Variants in PRPS2 observed in about 807,000 individuals in gnomAD.
PRPS2 encodes the protein ribose-phosphate pyrophosphokinase 2.
For synonymous variants in PRPS2, 111 were observed against 115.3 expected (o/e 0.96, Z 0.24); for missense variants, 104 against 271.5 (o/e 0.38, Z 4.34).
intron 1 of PRPS2, among the ~76,000 whole-genome samples, chrX:12,792,970 A>G (rs1488787645): frequency 8.9e-6 from 1 of 112,168 alleles, no homozygotes; most frequent in African/African-American, 3.2e-5. Context: ...TCCGATGATA[A>G]TATAAGCGAA....
intron 6 of PRPS2, among the ~76,000 whole-genome samples, chrX:12,821,247 G>A (rs894688242): frequency 2.7e-5 from 3 of 112,130 alleles, no homozygotes; most frequent in African/African-American, 9.7e-5. Flanking sequence ...AGTGTGCTCT[G>A]TCGCTACGAT....
chrX:12,791,756 G>T, intron 1 of PRPS2, 137 bp downstream of exon 1: 1 of 627,175 alleles, frequency 1.6e-6, no homozygotes, highest in Non-Finnish European at 1.9e-6. Flanking sequence ...GTGGCAACGC[G>T]GCCTCCGCGC....
chrX:12,806,826 C>T lies in PRPS2; in HGVS notation c.307-2408C>T, dbSNP rs767060277. On this transcript the variant is annotated intron_variant, in intron 2 of 6. Coordinates refer to ENST00000380668, the MANE Select transcript of PRPS2 (RefSeq NM_002765.5). ...CTTTGGTGCTGGGCACGGTGGCTCA[C>T]GCCTGTAATTCCAGCACTTTGGGAG... Among the ~76,000 whole-genome samples, 4 of 112,198 alleles carry T rather than the reference C, an allele frequency of 3.6e-5. No individual in the cohort carries two copies. The East Asian group carries it at 8.3e-4, about 23-fold the overall frequency.
At chrX:12,818,352 G>A (rs2042658864) in intron 4 of PRPS2, among the ~76,000 whole-genome samples, 2 of 84,347 alleles carry the variant, frequency 2.4e-5, no homozygotes, top group African/African-American at 4.6e-5. Flanking sequence ...TGGTCAACAA[G>A]AGTGAAACTG....
At chrX:12,808,864 G>A (rs374558923) in intron 2 of PRPS2, among the ~76,000 whole-genome samples, 3 of 111,208 alleles carry the variant, frequency 2.7e-5, no homozygotes, top group East Asian at 5.6e-4. Flanking sequence ...TAATGATCTT[G>A]TTTAAACTTT....
At chrX:12,815,984 G>C (rs780454779) in intron 4 of PRPS2, among the ~76,000 whole-genome samples, 9 of 111,475 alleles carry the variant, frequency 8.1e-5, no homozygotes, top group Non-Finnish European at 1.5e-4. Flanking sequence ...CAAAATTTTT[G>C]TTGGCCTTTA....
intron 3 of PRPS2, among the ~76,000 whole-genome samples, chrX:12,809,788 T>C (rs1459084858): frequency 8.9e-6 from 1 of 112,384 alleles, no homozygotes; most frequent in East Asian, 2.8e-4. Context: ...ATATAGGCCA[T>C]CATAAGACAA....
chrX:12,793,934 C>CA (rs1395224978), intron 1 of PRPS2, among the ~76,000 whole-genome samples: 1 of 112,293 alleles, frequency 8.9e-6, no homozygotes, highest in Non-Finnish European at 1.9e-5. Flanking sequence ...ATGGAAATTC[C>CA]ATGATGACAT....
intron 1 of PRPS2, among the ~76,000 whole-genome samples, chrX:12,792,337 C>T (rs1302513057): frequency 1.8e-5 from 2 of 112,179 alleles, no homozygotes; most frequent in Non-Finnish European, 3.8e-5. Context: ...TGCTGGGCTC[C>T]CCTCTGCTCC....
In PRPS2 at chrX:12,820,671, G is replaced by A. The variant is rs1602417803; in HGVS notation, c.732G>A (p.Val244=). ...TGCTGTCAGCTGGAGCCACCAAAGTGTATGCTATCCTTACCCATGGGATCT... is the reference window on the plus strand; with the variant it reads ...TGCTGTCAGCTGGAGCCACCAAAGTATATGCTATCCTTACCCATGGGATCT... ...DKLLSAGATK[V]YAILTHGIFS... Residue 244 remains valine, a synonymous_variant, in exon 6 of 7, where the codon GTG becomes GTA. Transcript: ENST00000380668. 1.7e-6 allele frequency: 2 copies of A among 1,208,423 alleles called. No individual in the cohort carries two copies. Among genetic ancestry groups the A allele is most frequent in the Admixed American group, 4.4e-5 (2 of 45,641 alleles).
intron 4 of PRPS2, among the ~76,000 whole-genome samples, chrX:12,819,074 T>C (rs910267422): frequency 3.6e-5 from 4 of 112,354 alleles, no homozygotes; most frequent in Non-Finnish European, 1.9e-5. Flanking sequence ...TTGAATGCAA[T>C]GAAGCCCATC....
intron 2 of PRPS2, among the ~76,000 whole-genome samples, chrX:12,807,680 T>C (rs369769524): frequency 2.9e-4 from 32 of 111,310 alleles, no homozygotes; most frequent in African/African-American, 1.0e-3. Flanking sequence ...CAACATGGAA[T>C]ATAGTACGGG....
intron 2 of PRPS2, among the ~76,000 whole-genome samples, chrX:12,808,447 C>G (rs1276345801): frequency 9.0e-6 from 1 of 111,296 alleles, no homozygotes; most frequent in Admixed American, 9.5e-5. Context: ...AATCATGTGT[C>G]TATATAATTT....
chrX:12,806,090 A>G (rs2042592271), intron 2 of PRPS2, among the ~76,000 whole-genome samples: 1 of 111,570 alleles, frequency 9.0e-6, no homozygotes, highest in South Asian at 3.7e-4. Flanking sequence ...AAGGAAAAAA[A>G]AAAAAAAAGG....
chrX:12,794,039 G>A (rs901293051), intron 1 of PRPS2, among the ~76,000 whole-genome samples: 1 of 112,342 alleles, frequency 8.9e-6, no homozygotes, highest in African/African-American at 3.2e-5. Flanking sequence ...GTGAGACAAG[G>A]TTATGCAAAG....
At chrX:12,804,038 G>T (rs764783093) in intron 2 of PRPS2, among the ~76,000 whole-genome samples, 20 of 110,669 alleles carry the variant, frequency 1.8e-4, no homozygotes, top group South Asian at 1.6e-3. Flanking sequence ...ACATGTCTGT[G>T]TAGTCAGTGT....
intron 4 of PRPS2, among the ~76,000 whole-genome samples, chrX:12,814,925 T>C (rs374354328): frequency 8.9e-6 from 1 of 112,127 alleles, no homozygotes; most frequent in East Asian, 2.8e-4. Flanking sequence ...CTGGGGGAGC[T>C]GATATGGCAC....
chrX:12,824,140 T>C lies in PRPS2; in HGVS notation c.*1344T>C, dbSNP rs191361169. 9.4e-4 allele frequency: 106 copies of C among 112,888 alleles called. No individual in the cohort carries two copies. The Admixed American group carries it at 9.9e-3, about 11-fold the overall frequency. 9.3% of individuals were successfully genotyped at this position (112,888 alleles called of 1,213,427 possible). On this transcript the variant is annotated 3_prime_UTR_variant, in exon 7 of 7. Coordinates refer to ENST00000380668, the MANE Select transcript of PRPS2 (RefSeq NM_002765.5). Reference sequence around the variant, plus strand: ...TTCAGGAGTATATCATTTGCAGTGCTTGTATTGGTTTAAAATGTAAGATTT... The same window carrying C: ...TTCAGGAGTATATCATTTGCAGTGCCTGTATTGGTTTAAAATGTAAGATTT...
At chrX:12,812,929 T>C (rs1046950700) in intron 4 of PRPS2, among the ~76,000 whole-genome samples, 2 of 111,941 alleles carry the variant, frequency 1.8e-5, no homozygotes, top group African/African-American at 6.5e-5. Flanking sequence ...CAGATACCTT[T>C]GTAAACCAGA....
Sources: allele counts gnomAD v4.1 joint callset (sites outside exome capture counted in the v4.1 genomes callset), GRCh38; gene constraint gnomAD v4.1.1; transcripts MANE v1.5; gene names NCBI Gene and HGNC (gene_info 2026-07-23, HGNC 2026-07-21).